Variants in PCOLCE2 observed in about 807,000 individuals in gnomAD.
The protein encoded by PCOLCE2 is procollagen C-endopeptidase enhancer 2.
Under a neutral mutation model 47.0 loss-of-function variants are expected in PCOLCE2, and 42 were observed. The ratio of observed to expected loss-of-function variants is 0.89; its 90% CI spans 0.70 to 1.16. PCOLCE2 has a LOEUF of 1.16. Ranked by LOEUF, PCOLCE2 falls within the 50% of genes most tolerant of loss-of-function variation. The probability of loss-of-function intolerance (pLI) is 0.00; values close to 1 mark genes in which losing one functional copy is unlikely to be tolerated. For synonymous variants in PCOLCE2, 169 were observed against 191.7 expected (o/e 0.88, Z 0.98); for missense variants, 500 against 526.1 (o/e 0.95, Z 0.49).
chr3:142,847,614 C>G (rs762869526), intron 3 of PCOLCE2, among the ~76,000 whole-genome samples: 1 of 152,166 alleles, frequency 6.6e-6, no homozygotes, highest in African/African-American at 2.4e-5. Flanking sequence ...ACGGTCACTG[C>G]AGCAGTGACC....
chr3:142,887,759 A>AC lies in PCOLCE2; in HGVS notation c.101dup (p.Gly35TrpfsTer13). The AC allele has an allele frequency of 1.9e-6, 3 of 1,597,960 alleles. No individual in the cohort carries two copies. Among genetic ancestry groups the AC allele is most frequent in the Non-Finnish European group, 2.6e-6 (3 of 1,165,470 alleles). On this transcript the variant is annotated frameshift_variant, in exon 2 of 9. Transcript: ENST00000295992. LOFTEE classifies it high-confidence loss of function. ...ATCCAGACTCTCCAGTAAGAATGCC[A>AC]CCACATGTGAAAACAGGTCTGGGAA...
chr3:142,863,799 GA>G (rs1933228570), intron 2 of PCOLCE2: 1 of 152,038 alleles, frequency 6.6e-6, no homozygotes, highest in Non-Finnish European at 1.5e-5. Flanking sequence ...TTTCCACTTA[GA>G]CTCCACCAAA....
At chr3:142,867,100 T>C (rs924459602) in intron 2 of PCOLCE2, among the ~76,000 whole-genome samples, 33 of 152,114 alleles carry the variant, frequency 2.2e-4, no homozygotes, top group African/African-American at 7.5e-4. Context: ...GTCAAACCAA[T>C]CCCCTGGGCC....
At position 142,820,962 on chromosome 3, in the gene PCOLCE2, C is replaced by T. The variant is rs905640478; in HGVS notation, c.1033G>A (p.Gly345Arg). 3 of 1,614,036 alleles carry T rather than the reference C, an allele frequency of 1.9e-6. No homozygotes were observed. Among genetic ancestry groups the T allele is most frequent in the African/African-American group, 1.3e-5 (1 of 75,030 alleles). ...TVSIINIYKE[G>R]NLAIQQAGKN... ...CCCGCCTGCTGAATCGCCAAATTTC[C>T]CTCTTTGTAGATGTTGATGATCGAG... is the stretch of plus-strand genomic sequence containing the variant. The change falls in exon 8 of 9, where the codon GGA becomes AGA. Residue 345 changes from glycine (G) to arginine (R), a missense_variant. Coordinates refer to ENST00000295992, the MANE Select transcript of PCOLCE2 (RefSeq NM_013363.4).
Position 142,888,980 on chromosome 3 carries a change from C to CGCGCACACTGGCAGCAGCGCTG in PCOLCE2, c.-85_-84insCAGCGCTGCTGCCAGTGTGCGC. On this transcript the variant is annotated 5_prime_UTR_variant, in exon 1 of 9. Coordinates refer to ENST00000295992, the MANE Select transcript of PCOLCE2 (RefSeq NM_013363.4). ...TCCGCACCCACCGCGCTCACACCGC[C>CGCGCACACTGGCAGCAGCGCTG]GCTCACACTGGCAGCAGCGCTGGCT... is the stretch of plus-strand genomic sequence containing the variant. 1.9e-6 allele frequency: 1 copy of CGCGCACACTGGCAGCAGCGCTG among 514,054 alleles called. No homozygotes were observed. Among genetic ancestry groups the CGCGCACACTGGCAGCAGCGCTG allele is most frequent in the Non-Finnish European group, 3.2e-6 (1 of 316,242 alleles). 31.8% of individuals were successfully genotyped at this position (514,054 alleles called of 1,614,324 possible).
chr3:142,822,390 A>G (rs1937025663), intron 7 of PCOLCE2, among the ~76,000 whole-genome samples: 1 of 152,136 alleles, frequency 6.6e-6, no homozygotes, highest in African/African-American at 2.4e-5. Flanking sequence ...TTGCCATGTA[A>G]GCGGTCACAT....
Position 142,827,137 on chromosome 3 carries a change from G to A in PCOLCE2, c.865+2555C>T, listed in dbSNP as rs1018994850. ...TGCACAGTCTTGGTTCCCCAGAGAC[G>A]TCCAGTCTGGCGGGCAGCAATGAGA... On this transcript the variant is annotated intron_variant, in intron 6 of 8. Coordinates refer to ENST00000295992, the MANE Select transcript of PCOLCE2 (RefSeq NM_013363.4). 11 of 1,443,282 alleles carry A rather than the reference G, an allele frequency of 7.6e-6. No individual in the cohort carries two copies. The East Asian group carries it at 1.4e-4, about 18-fold the overall frequency. 89.4% of individuals were successfully genotyped at this position (1,443,282 alleles called of 1,614,324 possible).
intron 5 of PCOLCE2, among the ~76,000 whole-genome samples, chr3:142,836,428 G>T (rs1225997967): frequency 1.1e-4 from 17 of 152,192 alleles, no homozygotes; most frequent in Admixed American, 1.1e-3. Context: ...ACTGGCACAT[G>T]CCCCGGGGGA....
At chr3:142,838,687 G>T (rs1040458158) in intron 5 of PCOLCE2, 83 bp downstream of exon 5, 3 of 1,278,998 alleles carry the variant, frequency 2.3e-6, no homozygotes, top group African/African-American at 3.0e-5. Context: ...AAATCTTCCA[G>T]AAAACAAATG....
chr3:142,826,272 T>G (rs6807862), intron 6 of PCOLCE2, among the ~76,000 whole-genome samples: 51,402 of 151,936 alleles, frequency 0.34, 11,402 homozygotes, highest in African/African-American at 0.64. Flanking sequence ...CTCCCAAAGT[T>G]CTGGGATTAC....
At chr3:142,846,175 A>G (rs1231431281) in intron 3 of PCOLCE2, among the ~76,000 whole-genome samples, 1 of 151,248 alleles carries the variant, frequency 6.6e-6, no homozygotes, top group African/African-American at 2.4e-5. Context: ...GAGTTTGTTG[A>G]CCCTCTTGAC....
intron 6 of PCOLCE2, among the ~76,000 whole-genome samples, chr3:142,826,677 C>G (rs1412051412): frequency 6.6e-6 from 1 of 152,184 alleles, no homozygotes; most frequent in Non-Finnish European, 1.5e-5. Context: ...CCTCAGCACA[C>G]ACTGTCCGGG....
intron 6 of PCOLCE2, chr3:142,827,248 C>CTT (rs1937091170): frequency 8.2e-7 from 1 of 1,220,834 alleles, no homozygotes; most frequent in African/African-American, 1.5e-5. Context: ...AAGGATGCTC[C>CTT]ATAGGGTTCA....
intron 5 of PCOLCE2, among the ~76,000 whole-genome samples, chr3:142,836,562 G>A (rs532508006): frequency 1.3e-5 from 2 of 152,040 alleles, no homozygotes; most frequent in South Asian, 4.1e-4. Flanking sequence ...TTAATCTTTA[G>A]GAATGTTGTT....
At chr3:142,861,055 T>C (rs1161876086) in intron 2 of PCOLCE2, among the ~76,000 whole-genome samples, 5 of 152,250 alleles carry the variant, frequency 3.3e-5, no homozygotes, top group African/African-American at 1.2e-4. Context: ...TTTCAGATAG[T>C]ACACCTCTGA....
At chr3:142,832,868 C>T (rs945056137) in intron 5 of PCOLCE2, among the ~76,000 whole-genome samples, 4 of 152,166 alleles carry the variant, frequency 2.6e-5, no homozygotes, top group Non-Finnish European at 5.9e-5. Flanking sequence ...CAGGTTTTCT[C>T]ATTTTCTGCA....
chr3:142,823,723 A>T (rs1209276149), intron 6 of PCOLCE2, 108 bp from the exon 7 acceptor site: 3 of 672,816 alleles, frequency 4.5e-6, no homozygotes, highest in Non-Finnish European at 7.9e-6. Flanking sequence ...CTGAGCCACC[A>T]ATCTATCACT....
In PCOLCE2 at chr3:142,848,427, G is replaced by A. The variant is rs956193292; in HGVS notation, c.238C>T (p.Leu80Phe). 1 of 1,607,604 alleles carries A rather than the reference G, an allele frequency of 6.2e-7. No homozygotes were observed. The highest frequency in any genetic ancestry group is 8.5e-7 in the Non-Finnish European group (1 of 1,174,602). Reference protein sequence around the residue: ...VVVLNFRFIDLESDNLCRYDF... With the variant: ...VVVLNFRFIDFESDNLCRYDF... ...TAGCGGCACAGGTTGTCACTCTCGAGGTCTATGAATCGGAAATTGAGAACG... is the reference window on the plus strand; with the variant it reads ...TAGCGGCACAGGTTGTCACTCTCGAAGTCTATGAATCGGAAATTGAGAACG... The change falls in exon 3 of 9, where the codon CTC (leucine) becomes TTC (phenylalanine). Residue 80 changes from leucine (L) to phenylalanine (F), a missense_variant. Transcript: ENST00000295992.
intron 3 of PCOLCE2, among the ~76,000 whole-genome samples, chr3:142,847,446 A>G (rs1358661982): frequency 6.6e-6 from 1 of 152,234 alleles, no homozygotes; most frequent in Non-Finnish European, 1.5e-5. Context: ...GGCTGAAAAC[A>G]TACAAATATT....
Sources: gnomAD v4.1 joint callset for allele counts (sites outside exome capture counted in the v4.1 genomes callset) on GRCh38, gnomAD v4.1.1 for gene constraint, MANE v1.5 for transcripts, NCBI Gene and HGNC (gene_info 2026-07-23, HGNC 2026-07-21) for gene names.